TRMT61B: variants seen among roughly 807,000 people sequenced by gnomAD.
TRMT61B encodes the protein tRNA (adenine(58)-N(1))-methyltransferase, mitochondrial.
In TRMT61B, 56 loss-of-function variants were observed where a neutral mutation model predicts 52.0. The observed-to-expected ratio is 1.08, with a 90% confidence interval of 0.87 to 1.35. The LOEUF is 1.35. Ranked by LOEUF, TRMT61B falls within the 40% of genes most tolerant of loss-of-function variation. The probability of loss-of-function intolerance (pLI) is 0.00; values close to 1 mark genes in which losing one functional copy is unlikely to be tolerated. For missense variants in TRMT61B, 650 were observed against 577.9 expected (o/e 1.12, Z -1.28); for synonymous variants, 206 against 220.0 (o/e 0.94, Z 0.56).
Position 28,851,032 on chromosome 2 carries a change from C to T in TRMT61B, c.1312+40G>A, listed in dbSNP as rs370116790. The stretch of plus-strand genomic sequence containing the variant: ...GTCAGTATACTCAGGAACTCATTCT[C>T]CATTCATTACTGCATGCATAAAGTA... On this transcript the variant is annotated intron_variant, in intron 5 of 6. Transcript: ENST00000306108. 271 of 1,314,752 alleles carry T rather than the reference C, an allele frequency of 2.1e-4. No homozygotes were observed. The Middle Eastern group carries it at 4.1e-3, about 20-fold the overall frequency. 81.4% of individuals were successfully genotyped at this position (1,314,752 alleles called of 1,614,324 possible). A position where few individuals can be genotyped will look rare whatever the true frequency, so the allele number is the denominator to read the frequency against.
In TRMT61B at chr2:28,857,972, T is replaced by C. The variant is rs569010037; in HGVS notation, c.993+3146A>G. Among the ~76,000 whole-genome samples, 4 of 152,322 alleles carry C rather than the reference T, an allele frequency of 2.6e-5. No homozygotes were observed. The East Asian group carries it at 7.7e-4, about 29-fold the overall frequency. On this transcript the variant is annotated intron_variant, in intron 3 of 6. Coordinates refer to ENST00000306108, the MANE Select transcript of TRMT61B (RefSeq NM_017910.4). ...GATTTATTGATGTAGCTAGAGTACA[T>C]TTATTGTTAGTATTCCATTGTGTCT...
At position 28,865,084 on chromosome 2, in the gene TRMT61B, G is replaced by A; in HGVS notation, c.735C>T (p.Asn245=). The change falls in exon 2 of 7, where the codon AAC becomes AAT. Residue 245 remains asparagine (N), a synonymous_variant. Coordinates refer to ENST00000306108, the MANE Select transcript of TRMT61B (RefSeq NM_017910.4). Reference sequence around the variant, plus strand: ...CAGCTTCCAAAACAGTATCACCTGGGTTGATATCCATCATTGAGAGAATCA... The same window carrying A: ...CAGCTTCCAAAACAGTATCACCTGGATTGATATCCATCATTGAGAGAATCA... ...INMILSMMDI[N]PGDTVLEAGS... 1.9e-6 allele frequency: 3 copies of A among 1,612,348 alleles called. No individual in the cohort carries two copies. The highest frequency in any genetic ancestry group is 1.1e-5 in the South Asian group (1 of 90,998).
rs920920621 is a variant in TRMT61B, at chr2:28,850,116, A to G, written c.*83T>C. 107 of 1,357,602 alleles carry G rather than the reference A, an allele frequency of 7.9e-5. No individual in the cohort carries two copies. Among genetic ancestry groups the G allele is most frequent in the Non-Finnish European group, 1.1e-4 (103 of 968,966 alleles). 84.1% of individuals were successfully genotyped at this position (1,357,602 alleles called of 1,614,324 possible). ...GTCATAGTAATAGCTAAAAATGCCA[A>G]TCTATGGAAGCAGTGATTTTCAATA... On this transcript the variant is annotated 3_prime_UTR_variant, in exon 7 of 7. Transcript: ENST00000306108.
Position 28,849,831 on chromosome 2 carries a change from A to G in TRMT61B, c.*368T>C. Reference sequence around the variant, plus strand: ...GACAGATACATAAAATTTATCTTAAAATGCATATTTTATTTCAGTAGTCAA... The same window carrying G: ...GACAGATACATAAAATTTATCTTAAGATGCATATTTTATTTCAGTAGTCAA... On this transcript the variant is annotated 3_prime_UTR_variant, in exon 7 of 7. Transcript: ENST00000306108. The G allele has an allele frequency of 7.2e-7, 1 of 1,389,126 alleles. No individual in the cohort carries two copies. Among genetic ancestry groups the G allele is most frequent in the Non-Finnish European group, 1.0e-6 (1 of 1,002,904 alleles). The allele number at this position is 1,389,126 out of a possible 1,614,324, so 86.1% of individuals were successfully genotyped here.
intron 5 of TRMT61B, 43 bp from the exon 6 acceptor site, chr2:28,850,448 T>C (rs767827477): frequency 2.3e-6 from 3 of 1,286,826 alleles, no homozygotes; most frequent in Non-Finnish European, 3.3e-6. Context: ...CATAAAATAT[T>C]TTCTATTTTT....
intron 2 of TRMT61B, among the ~76,000 whole-genome samples, chr2:28,862,333 G>GTT (rs369559361): frequency 0.022 from 2,824 of 126,874 alleles, 120 homozygotes; most frequent in African/African-American, 0.05. Flanking sequence ...TTTGAGTTTG[G>GTT]TTTTTTTTTT....
chr2:28,858,041 C>CTTTTTTT (rs372996493), intron 3 of TRMT61B, among the ~76,000 whole-genome samples: 2 of 133,322 alleles, frequency 1.5e-5, no homozygotes, highest in Non-Finnish European at 3.2e-5. Flanking sequence ...TTGTTTAATT[C>CTTTTTTT]TTTTTTTTTT....
In TRMT61B at chr2:28,870,245, C is replaced by T. The variant is rs773209513; in HGVS notation, c.33G>A (p.Leu11=). Residue 11 remains leucine (L), a synonymous_variant, in exon 1 of 7, where the codon TTG becomes TTA. Coordinates refer to ENST00000306108, the MANE Select transcript of TRMT61B (RefSeq NM_017910.4). Reference sequence around the variant, plus strand: ...TTCCGAGCCCCTGCCGCAGGCACAGCAAGACAGGACCGCGGCACCATGCCA... The same window carrying T: ...TTCCGAGCCCCTGCCGCAGGCACAGTAAGACAGGACCGCGGCACCATGCCA... MLMAWCRGPV[L]LCLRQGLGTN... 6.2e-7 allele frequency: 1 copy of T among 1,602,266 alleles called. No individual in the cohort carries two copies. The highest frequency in any genetic ancestry group is 8.5e-7 in the Non-Finnish European group (1 of 1,176,010).
chr2:28,859,252 T>C (rs1558344201), intron 3 of TRMT61B, among the ~76,000 whole-genome samples: 1 of 152,064 alleles, frequency 6.6e-6, no homozygotes, highest in South Asian at 2.1e-4. Flanking sequence ...GCTAATTTTT[T>C]ATATTTTTAG....
chr2:28,858,850 T>C (rs1204414012), intron 3 of TRMT61B, among the ~76,000 whole-genome samples: 5 of 146,976 alleles, frequency 3.4e-5, no homozygotes, highest in African/African-American at 1.3e-4. Context: ...AGCAGGAGAA[T>C]GACAGTATCA....
intron 1 of TRMT61B, 143 bp downstream of exon 1, chr2:28,869,436 A>T: frequency 3.3e-6 from 2 of 606,534 alleles, no homozygotes; most frequent in Non-Finnish European, 5.8e-6. Flanking sequence ...AAAAGTTATA[A>T]CCATTGGTTT....
intron 1 of TRMT61B, among the ~76,000 whole-genome samples, chr2:28,867,611 C>T (rs769314595): frequency 6.6e-6 from 1 of 152,138 alleles, no homozygotes; most frequent in East Asian, 1.9e-4. Flanking sequence ...TGACTTTTAT[C>T]TGTAACAAAT....
chr2:28,856,898 G>A (rs1456209538), intron 3 of TRMT61B, among the ~76,000 whole-genome samples: 6 of 151,942 alleles, frequency 3.9e-5, no homozygotes, highest in Non-Finnish European at 7.4e-5. Flanking sequence ...GCCTCCCAAA[G>A]TACTGGGATT....
chr2:28,869,951 C>A lies in TRMT61B; in HGVS notation c.327G>T (p.Gln109His). 6.2e-7 allele frequency: 1 copy of A among 1,613,896 alleles called. No individual in the cohort carries two copies. Residue 109 changes from glutamine (Q) to histidine (H), a missense_variant, in exon 1 of 7, where the codon CAG becomes CAT. Physicochemically the swap from Gln to His is conservative, Grantham distance 24. Transcript: ENST00000306108. Reference protein sequence around the residue: ...PRELEDSSGDQGRCGPTHQGS... With the variant: ...PRELEDSSGDHGRCGPTHQGS... The stretch of plus-strand genomic sequence containing the variant: ...CCTGGTGTGTGGGACCGCACCGGCC[C>A]TGGTCTCCGCTCGAGTCCTCGAGCT...
intron 3 of TRMT61B, among the ~76,000 whole-genome samples, chr2:28,855,735 G>A (rs773725076): frequency 3.9e-5 from 6 of 152,278 alleles, no homozygotes; most frequent in East Asian, 1.9e-4. Context: ...TTGGGAGGCC[G>A]AGGCGGGTGG....
intron 2 of TRMT61B, among the ~76,000 whole-genome samples, chr2:28,861,687 C>A (rs753061867): frequency 6.6e-6 from 1 of 152,184 alleles, no homozygotes; most frequent in African/African-American, 2.4e-5. Flanking sequence ...TGTATGGCTA[C>A]GATGAACATT....
At chr2:28,869,311 T>C (rs765404957) in intron 1 of TRMT61B, among the ~76,000 whole-genome samples, 4 of 152,198 alleles carry the variant, frequency 2.6e-5, no homozygotes, top group Non-Finnish European at 5.9e-5. Context: ...TGAGTTCACA[T>C]CACCCTAACA....
At chr2:28,855,834 G>A (rs1669318861) in intron 3 of TRMT61B, among the ~76,000 whole-genome samples, 1 of 152,194 alleles carries the variant, frequency 6.6e-6, no homozygotes, top group Non-Finnish European at 1.5e-5. Flanking sequence ...AGCTGGGCAT[G>A]GTGGCGGGTG....
At chr2:28,851,613 G>GT (rs545411986) in intron 4 of TRMT61B, among the ~76,000 whole-genome samples, 30 of 152,112 alleles carry the variant, frequency 2.0e-4, no homozygotes, top group African/African-American at 7.2e-4. Flanking sequence ...TTGGGCGTGG[G>GT]TCACGCCTGT....
Sources: allele counts gnomAD v4.1 joint callset (sites outside exome capture counted in the v4.1 genomes callset), GRCh38; gene constraint gnomAD v4.1.1; transcripts MANE v1.5; gene names NCBI Gene and HGNC (gene_info 2026-07-23, HGNC 2026-07-21).